GALK1: variants seen among roughly 807,000 people sequenced by gnomAD.
The protein encoded by GALK1 is galactokinase 1.
A neutral mutation model predicts 38.6 loss-of-function variants in GALK1; 30 were observed. The observed-to-expected ratio is 0.78, with a 90% confidence interval of 0.58 to 1.05. The LOEUF is 1.05. Ranked by LOEUF, GALK1 falls within the 50% of genes least tolerant of loss-of-function variation. The pLI is 0.00. For missense variants in GALK1, 512 were observed against 540.5 expected, an observed-to-expected ratio of 0.95 and a Z score of 0.52; for synonymous variants, 240 against 233.6, an observed-to-expected ratio of 1.03 and a Z score of -0.25.
chr17:75,756,718 T>G (rs1437360634), downstream of GALK1: 6 of 1,613,234 alleles, frequency 3.7e-6, no homozygotes, highest in Non-Finnish European at 5.1e-6. Flanking sequence ...CGCCTTCACT[T>G]TGAGCACTCC....
At chr17:75,759,170 G>T (rs565780306) in intron 5 of GALK1, among the ~76,000 whole-genome samples, 1 of 152,168 alleles carries the variant, frequency 6.6e-6, no homozygotes, top group Non-Finnish European at 1.5e-5. Flanking sequence ...GCTCACACCT[G>T]TAATCCCAGC....
chr17:75,753,934 C>T, downstream of GALK1: 1 of 1,282,056 alleles, frequency 7.8e-7, no homozygotes, highest in Non-Finnish European at 9.8e-7. Context: ...GCGGGAAGGG[C>T]GGCAGCCTGC....
intron 1 of GALK1, chr17:75,764,327 T>C (rs1181884741): frequency 1.3e-6 from 1 of 742,690 alleles, no homozygotes; most frequent in East Asian, 2.6e-5. Context: ...TGCCCTGAGC[T>C]GTGGGGCAAG....
chr17:75,757,042 C>T (rs747714557), downstream of GALK1: 2 of 1,612,994 alleles, frequency 1.2e-6, no homozygotes, highest in African/African-American at 1.3e-5. Context: ...AAGGTGCAGG[C>T]CAGGACCACT....
chr17:75,763,229 G>A (rs2061595636), intron 3 of GALK1, 80 bp from the exon 4 acceptor site: 3 of 1,610,558 alleles, frequency 1.9e-6, no homozygotes, highest in African/African-American at 1.3e-5. Context: ...GAGAGTCCCT[G>A]CCACCCCCTC....
downstream of GALK1, chr17:75,754,943 C>T (rs1232650210): frequency 7.4e-6 from 11 of 1,482,604 alleles, no homozygotes; most frequent in Admixed American, 1.9e-4. Context: ...TGCACACATG[C>T]ACGCACACAC....
At chr17:75,763,809 A>G (rs567309937) in intron 2 of GALK1, 88 bp downstream of exon 2, 2 of 1,252,782 alleles carry the variant, frequency 1.6e-6, no homozygotes, top group East Asian at 2.4e-5. Context: ...CCTTCCCCAC[A>G]GTGTATCAGA....
At chr17:75,754,513 C>T (rs1014213260), downstream of GALK1, 2 of 1,607,206 alleles carry the variant, frequency 1.2e-6, no homozygotes, top group Non-Finnish European at 1.7e-6. Flanking sequence ...CAGGGCCCAG[C>T]CTGCCCCACG....
At chr17:75,752,181 T>G in intron 8 of GALK1, 1 of 1,613,952 alleles carries the variant, frequency 6.2e-7, no homozygotes, top group African/African-American at 1.3e-5. Flanking sequence ...CAGGACCTAT[T>G]GGGCCCATGA....
intron 8 of GALK1, chr17:75,751,858 C>T (rs2061373824): frequency 2.2e-6 from 1 of 447,880 alleles, no homozygotes; most frequent in South Asian, 2.1e-5. Context: ...GGTGGGCAAC[C>T]CCTATGCGTG....
downstream of GALK1, among the ~76,000 whole-genome samples, chr17:75,752,955 G>T (rs8074226): frequency 0.012 from 1,854 of 152,312 alleles, 35 homozygotes; most frequent in African/African-American, 0.042. Context: ...GAGCCAAGGA[G>T]ACAAGAACAC....
At chr17:75,761,718 T>TAAA (rs55872846) in intron 5 of GALK1, among the ~76,000 whole-genome samples, 1 of 132,442 alleles carries the variant, frequency 7.6e-6, no homozygotes, top group Non-Finnish European at 1.6e-5. Context: ...ATGTTTAGTT[T>TAAA]AAAAAAAAAA....
downstream of GALK1, chr17:75,755,688 C>T (rs1350277362): frequency 1.4e-5 from 22 of 1,612,628 alleles, no homozygotes; most frequent in Admixed American, 2.0e-4. Flanking sequence ...TGACTGCGGC[C>T]TCCTGTCCCC....
chr17:75,754,554 G>C (rs1262999005), downstream of GALK1: 2 of 1,613,142 alleles, frequency 1.2e-6, no homozygotes, highest in Non-Finnish European at 1.7e-6. Context: ...CCTGACCAAG[G>C]GACCCTGCTC....
At chr17:75,755,960 C>T (rs377275059), downstream of GALK1, 259 of 1,315,948 alleles carry the variant, frequency 2.0e-4, 4 homozygotes, top group Admixed American at 1.0e-3. Flanking sequence ...GTCCCTTGAG[C>T]GCTAAAGCCC....
intron 8 of GALK1, chr17:75,752,264 G>GC: frequency 6.2e-7 from 1 of 1,613,500 alleles, no homozygotes; most frequent in African/African-American, 1.3e-5. Context: ...CAGCCCTACC[G>GC]CTACACGGTG....
intron 8 of GALK1, chr17:75,752,661 G>T: frequency 1.3e-6 from 2 of 1,551,566 alleles, no homozygotes; most frequent in Non-Finnish European, 1.8e-6. Context: ...AGGGCAAAGG[G>T]GCCAGCAACT....
At position 75,760,520 on chromosome 17, in the gene GALK1, C is replaced by G. The variant is rs1599334005; in HGVS notation, c.794-1921G>C. Among the ~76,000 whole-genome samples the G allele has an allele frequency of 3.3e-5, 5 of 150,946 alleles. No individual in the cohort carries two copies. The South Asian group carries it at 1.1e-3, about 32-fold the overall frequency. On this transcript the variant is annotated intron_variant, in intron 5 of 7. Transcript: ENST00000588479. ...CACGCCTGTGCCTGTAATCCCAGCA[C>G]TTTGGGAGGCCAAGGCAGGCGGATC...
At chr17:75,755,813 G>C (rs1045998959), downstream of GALK1, 7 of 1,608,756 alleles carry the variant, frequency 4.4e-6, no homozygotes, top group East Asian at 2.2e-5. Flanking sequence ...AGCGGCCGCT[G>C]CAGGGCTACA....
Sources: allele counts gnomAD v4.1 joint callset (sites outside exome capture counted in the v4.1 genomes callset), GRCh38; gene constraint gnomAD v4.1.1; transcripts MANE v1.5; gene names NCBI Gene and HGNC (gene_info 2026-07-23, HGNC 2026-07-21).